The following SUGCT variants were observed in gnomAD, a reference collection of about 807,000 sequenced individuals.
SUGCT encodes succinyl-CoA:glutarate CoA-transferase.
Under a neutral mutation model 55.0 loss-of-function variants are expected in SUGCT, and 41 were observed. The observed-to-expected ratio is 0.74, with a 90% confidence interval of 0.58 to 0.97. SUGCT has a LOEUF of 0.97. Ranked by LOEUF, SUGCT falls within the 50% of genes least tolerant of loss-of-function variation. SUGCT has a pLI of 0.00. For synonymous variants in SUGCT, 187 were observed against 200.4 expected, an observed-to-expected ratio of 0.93 and a Z score of 0.56; for missense variants, 568 against 547.8, an observed-to-expected ratio of 1.04 and a Z score of -0.37.
chr7:40,371,725 T>C (rs1426062010), intron 9 of SUGCT, among the ~76,000 whole-genome samples: 2 of 106,144 alleles, frequency 1.9e-5, no homozygotes, highest in East Asian at 5.7e-4. Flanking sequence ...TTCCTTATTG[T>C]CTTAATTGTC....
At chr7:40,920,893 A>G in the SUGCT span, among the ~76,000 whole-genome samples, 1 of 152,258 alleles carries the variant, frequency 6.6e-6, no homozygotes, top group African/African-American at 2.4e-5. Flanking sequence ...GGAAAAGAAA[A>G]GAACAAAATG....
intron 12 of SUGCT, among the ~76,000 whole-genome samples, chr7:40,623,457 T>A (rs1167629730): frequency 6.6e-6 from 1 of 152,196 alleles, no homozygotes; most frequent in East Asian, 1.9e-4. Context: ...CTCTCATTTT[T>A]CTGTATTCTA....
chr7:40,774,502 G>T (rs1789349397), intron 13 of SUGCT, among the ~76,000 whole-genome samples: 1 of 152,114 alleles, frequency 6.6e-6, no homozygotes, highest in African/African-American at 2.4e-5. Flanking sequence ...TACTCATTGT[G>T]GAGATGGGAG....
At chr7:40,376,746 C>CTTT (rs58041869) in intron 9 of SUGCT, among the ~76,000 whole-genome samples, 20 of 148,064 alleles carry the variant, frequency 1.4e-4, no homozygotes, top group Non-Finnish European at 2.2e-4. Context: ...TATAATCACT[C>CTTT]TTTTTTTTTT....
chr7:40,879,571 C>T, the SUGCT span, among the ~76,000 whole-genome samples: 50 of 152,256 alleles, frequency 3.3e-4, no homozygotes, highest in African/African-American at 1.1e-3. Context: ...TGAAATGAGG[C>T]CCAATCATGG....
At chr7:40,451,069 A>T (rs541392067) in intron 10 of SUGCT, among the ~76,000 whole-genome samples, 1 of 152,076 alleles carries the variant, frequency 6.6e-6, no homozygotes, top group Non-Finnish European at 1.5e-5. Context: ...AAGAATCTTT[A>T]TTATGAACGG....
chr7:40,556,867 A>G (rs984555372), intron 12 of SUGCT, among the ~76,000 whole-genome samples: 1 of 152,246 alleles, frequency 6.6e-6, no homozygotes, highest in Admixed American at 6.5e-5. Context: ...TAAAATACAC[A>G]TAAGTAAATG....
At chr7:40,465,830 C>G (rs1790075524) in intron 11 of SUGCT, among the ~76,000 whole-genome samples, 1 of 152,062 alleles carries the variant, frequency 6.6e-6, no homozygotes. Flanking sequence ...ATGACCATTT[C>G]ACTGCCCTGG....
At chr7:40,530,889 C>T (rs962172112) in intron 12 of SUGCT, among the ~76,000 whole-genome samples, 11 of 152,158 alleles carry the variant, frequency 7.2e-5, no homozygotes, top group Middle Eastern at 3.4e-3. Context: ...GCTAAGTGCA[C>T]GTGAGACGGA....
Position 40,227,859 on chromosome 7 carries a change from GTTATTTATTTATTTATATAT to G in SUGCT, c.485-9759_485-9740del, listed in dbSNP as rs1196682919. 8.5e-3 allele frequency among the ~76,000 whole-genome samples: 1,276 copies of G among 150,460 alleles called. 18 individuals carry two copies. Among genetic ancestry groups the G allele is most frequent in the African/African-American group, 0.029 (1,208 of 41,122 alleles). On this transcript the variant is annotated intron_variant, in intron 6 of 13. Coordinates refer to ENST00000335693, the MANE Select transcript of SUGCT (RefSeq NM_001193313.2). ...CATAATTCCTTTATTTTATTTATTT[GTTATTTATTTATTTATATAT>G]TTATTTATTTATTTATTTTTGAGAT... is the stretch of plus-strand genomic sequence containing the variant.
At chr7:40,185,517 G>C (rs1667451130) in intron 3 of SUGCT, among the ~76,000 whole-genome samples, 1 of 151,934 alleles carries the variant, frequency 6.6e-6, no homozygotes, top group Admixed American at 6.6e-5. Context: ...TCCTAGCAGG[G>C]ATTTATTGTC....
chr7:40,289,619 A>T (rs1793596292), intron 8 of SUGCT, among the ~76,000 whole-genome samples: 1 of 151,854 alleles, frequency 6.6e-6, no homozygotes, highest in East Asian at 1.9e-4. Flanking sequence ...CTCTCCCACC[A>T]CTCCTATTCA....
At chr7:40,501,587 T>G (rs1391297915) in intron 12 of SUGCT, among the ~76,000 whole-genome samples, 2 of 152,078 alleles carry the variant, frequency 1.3e-5, no homozygotes, top group African/African-American at 4.8e-5. Flanking sequence ...CACAGGGACA[T>G]AGGAGATCAT....
intron 12 of SUGCT, among the ~76,000 whole-genome samples, chr7:40,623,703 CAT>C (rs539328074): frequency 2.6e-5 from 4 of 152,116 alleles, no homozygotes; most frequent in Admixed American, 1.3e-4. Flanking sequence ...TGATCACACA[CAT>C]GTGCACGCAC....
chr7:40,625,839 G>A (rs1373469478), intron 12 of SUGCT, among the ~76,000 whole-genome samples: 4 of 152,126 alleles, frequency 2.6e-5, no homozygotes, highest in Non-Finnish European at 2.9e-5. Flanking sequence ...CCATGTGCAG[G>A]ACAGGTGAAT....
At chr7:40,591,356 G>T (rs1254898703) in intron 12 of SUGCT, among the ~76,000 whole-genome samples, 1 of 152,190 alleles carries the variant, frequency 6.6e-6, no homozygotes, top group Non-Finnish European at 1.5e-5. Flanking sequence ...CTGAATTTCT[G>T]CAATCTTATG....
Position 40,174,345 on chromosome 7 carries a change from G to C in SUGCT, c.101-6602G>C, listed in dbSNP as rs185606606. Among the ~76,000 whole-genome samples, 490 of 152,164 alleles carry C rather than the reference G, an allele frequency of 3.2e-3. 2 individuals are homozygous for C. The highest frequency in any genetic ancestry group is 4.6e-3 in the South Asian group (22 of 4,822). ...GCCCATCATGGCTCTCTGTAACCTT[G>C]AACTCCTGGGCTCATGTTATTTCCC... On this transcript the variant is annotated intron_variant, in intron 1 of 13. Coordinates refer to ENST00000335693, the MANE Select transcript of SUGCT (RefSeq NM_001193313.2).
intron 9 of SUGCT, among the ~76,000 whole-genome samples, chr7:40,420,477 T>A (rs952896265): frequency 1.3e-5 from 2 of 152,112 alleles, no homozygotes; most frequent in African/African-American, 4.8e-5. Flanking sequence ...TAGCTGGGAT[T>A]ACAGGTGCCC....
chr7:40,614,224 G>C (rs1798894298), intron 12 of SUGCT, among the ~76,000 whole-genome samples: 1 of 151,966 alleles, frequency 6.6e-6, no homozygotes, highest in Admixed American at 6.6e-5. Context: ...CATTCGAGAA[G>C]AGGACACATT....
Sources: allele counts gnomAD v4.1 joint callset (sites outside exome capture counted in the v4.1 genomes callset), GRCh38; gene constraint gnomAD v4.1.1; transcripts MANE v1.5; gene names NCBI Gene and HGNC (gene_info 2026-07-23, HGNC 2026-07-21).